NKAIN2: variants seen among roughly 807,000 people sequenced by gnomAD.
NKAIN2 encodes sodium/potassium-transporting ATPase subunit beta-1-interacting protein 2.
NKAIN2 carries 14 observed loss-of-function variants against 32.6 expected under a neutral mutation model. That is an observed-to-expected ratio of 0.43 (90% CI 0.28 to 0.67). NKAIN2 has a LOEUF of 0.67. NKAIN2 is among the 30% of genes least tolerant of loss of function. The pLI is 0.17. For missense variants in NKAIN2, 198 were observed against 258.3 expected, an observed-to-expected ratio of 0.77 and a Z score of 1.60; for synonymous variants, 80 against 87.2, an observed-to-expected ratio of 0.92 and a Z score of 0.46.
intron 4 of NKAIN2, among the ~76,000 whole-genome samples, chr6:124,759,240 T>C (rs1259782897): frequency 6.6e-6 from 1 of 152,114 alleles, no homozygotes; most frequent in African/African-American, 2.4e-5. Flanking sequence ...GTAGACAGCA[T>C]ATGGATGTGC....
chr6:124,163,861 C>A (rs1008750871), intron 1 of NKAIN2, among the ~76,000 whole-genome samples: 1 of 151,974 alleles, frequency 6.6e-6, no homozygotes, highest in East Asian at 1.9e-4. Flanking sequence ...TGGAAAAGAA[C>A]AGTTAGTCTC....
chr6:124,026,962 G>A (rs1323921999), intron 1 of NKAIN2, among the ~76,000 whole-genome samples: 1 of 152,056 alleles, frequency 6.6e-6, no homozygotes, highest in African/African-American at 2.4e-5. Flanking sequence ...TATGGAGCTT[G>A]TAGCCACTGT....
intron 4 of NKAIN2, among the ~76,000 whole-genome samples, chr6:124,708,202 T>G (rs1775207513): frequency 1.4e-5 from 2 of 144,614 alleles, no homozygotes; most frequent in African/African-American, 5.2e-5. Flanking sequence ...TTGATCTATA[T>G]CTCTGTTTTG....
At chr6:124,704,203 G>GT (rs1774937573) in intron 4 of NKAIN2, among the ~76,000 whole-genome samples, 1 of 151,678 alleles carries the variant, frequency 6.6e-6, no homozygotes, top group Admixed American at 6.6e-5. Context: ...GTCATAGATT[G>GT]AAGAATAAAA....
chr6:124,192,034 AT>A (rs1790045975), intron 1 of NKAIN2, among the ~76,000 whole-genome samples: 1 of 152,004 alleles, frequency 6.6e-6, no homozygotes, highest in Non-Finnish European at 1.5e-5. Context: ...ATTTATTAAT[AT>A]TTTTGAAGAC....
intron 1 of NKAIN2, among the ~76,000 whole-genome samples, chr6:124,223,191 C>T (rs951066280): frequency 3.4e-4 from 38 of 112,638 alleles, no homozygotes; most frequent in Admixed American, 1.0e-3. Flanking sequence ...CCAGCCTGGG[C>T]GACAGTGTGA....
chr6:123,916,624 G>A (rs1262629109), intron 1 of NKAIN2, among the ~76,000 whole-genome samples: 1 of 152,050 alleles, frequency 6.6e-6, no homozygotes, highest in Non-Finnish European at 1.5e-5. Context: ...GATGATGAAA[G>A]AAAAGGTGGA....
chr6:124,499,836 A>T (rs777496970), intron 3 of NKAIN2, among the ~76,000 whole-genome samples: 6 of 152,236 alleles, frequency 3.9e-5, no homozygotes, highest in Middle Eastern at 3.2e-3. Context: ...TGGGGGCATT[A>T]ATGATACTTC....
intron 3 of NKAIN2, among the ~76,000 whole-genome samples, chr6:124,408,376 A>C (rs1773972488): frequency 6.6e-6 from 1 of 152,116 alleles, no homozygotes; most frequent in Non-Finnish European, 1.5e-5. Flanking sequence ...TTTTTGTATG[A>C]GGTGTAAGGA....
intron 1 of NKAIN2, among the ~76,000 whole-genome samples, chr6:123,827,699 T>A (rs1001320295): frequency 2.0e-5 from 3 of 152,130 alleles, no homozygotes; most frequent in African/African-American, 7.2e-5. Context: ...ATAGTAAAAC[T>A]CAGAAATATT....
intron 3 of NKAIN2, among the ~76,000 whole-genome samples, chr6:124,436,945 G>A (rs892884951): frequency 2.6e-5 from 4 of 151,884 alleles, no homozygotes; most frequent in African/African-American, 4.8e-5. Flanking sequence ...ACCTCTCTTC[G>A]CTCTGCTTTT....
intron 3 of NKAIN2, among the ~76,000 whole-genome samples, chr6:124,381,291 T>C (rs921427965): frequency 2.6e-5 from 4 of 152,108 alleles, no homozygotes; most frequent in Non-Finnish European, 5.9e-5. Flanking sequence ...TTTAAAGAAA[T>C]TAGTAAATAT....
In NKAIN2 at chr6:124,658,651, C is replaced by T. The variant is rs950118993; in HGVS notation, c.474+265C>T. 8.9e-5 allele frequency: 71 copies of T among 796,254 alleles called. No individual in the cohort carries two copies. In the African/African-American group the frequency reaches 1.0e-3, roughly 12 times the overall value. The allele number at this position is 796,254 out of a possible 1,614,324, so 49.3% of individuals were successfully genotyped here. On this transcript the variant is annotated intron_variant, in intron 4 of 6. Transcript: ENST00000368417. ...AATCCAATCAGTCAAGATGTGATTA[C>T]GTGACTTTTGGTAGACTTTTCCAAG...
intron 3 of NKAIN2, among the ~76,000 whole-genome samples, chr6:124,529,940 G>A (rs775523232): frequency 3.3e-5 from 5 of 152,140 alleles, no homozygotes; most frequent in Non-Finnish European, 7.3e-5. Context: ...GGAGTAATTG[G>A]TCATGACGGA....
chr6:124,062,953 G>C (rs1355358914), intron 1 of NKAIN2, among the ~76,000 whole-genome samples: 1 of 152,066 alleles, frequency 6.6e-6, no homozygotes, highest in Non-Finnish European at 1.5e-5. Context: ...CCAGCAATTT[G>C]GTAGGCCAAG....
At chr6:124,388,345 G>A (rs1401854804) in intron 3 of NKAIN2, among the ~76,000 whole-genome samples, 1 of 148,994 alleles carries the variant, frequency 6.7e-6, no homozygotes, top group South Asian at 2.1e-4. Context: ...GTGGTTCTCT[G>A]TAACACACTC....
At chr6:123,805,511 G>A (rs1450322021) in intron 1 of NKAIN2, among the ~76,000 whole-genome samples, 1 of 152,130 alleles carries the variant, frequency 6.6e-6, no homozygotes, top group African/African-American at 2.4e-5. Context: ...ATTTTGATCT[G>A]TGATTTATGC....
intron 3 of NKAIN2, among the ~76,000 whole-genome samples, chr6:124,371,031 T>C (rs1443729875): frequency 1.3e-5 from 2 of 152,192 alleles, no homozygotes; most frequent in African/African-American, 2.4e-5. Flanking sequence ...GGCATCATAG[T>C]GTGCTACATA....
chr6:123,949,845 A>G (rs573958905), intron 1 of NKAIN2, among the ~76,000 whole-genome samples: 1 of 152,050 alleles, frequency 6.6e-6, no homozygotes, highest in African/African-American at 2.4e-5. Context: ...ATTGAATAAG[A>G]GTGGTGAAAG....
Sources: gnomAD v4.1 joint callset for allele counts (sites outside exome capture counted in the v4.1 genomes callset) on GRCh38, gnomAD v4.1.1 for gene constraint, MANE v1.5 for transcripts, NCBI Gene and HGNC (gene_info 2026-07-23, HGNC 2026-07-21) for gene names.